MUC5B: variants seen among roughly 807,000 people sequenced by gnomAD.
MUC5B encodes the protein mucin-5B.
Under a neutral mutation model 376.9 loss-of-function variants are expected in MUC5B, and 116 were observed. The ratio of observed to expected loss-of-function variants is 0.31; its 90% CI spans 0.26 to 0.36. The LOEUF (loss-of-function observed/expected upper bound fraction) is 0.36. Ranked by LOEUF, MUC5B falls within the 10% of genes least tolerant of loss-of-function variation. The pLI, the probability that MUC5B is intolerant of heterozygous loss-of-function variation, is 1.00. For synonymous variants in MUC5B, 3,517 were observed against 3,390.9 expected (o/e 1.04, Z -1.29); for missense variants, 7,165 against 7,769.9 (o/e 0.92, Z 2.93).
Position 1,247,992 on chromosome 11 carries a change from G to A in MUC5B, c.11112G>A (p.Glu3704=), listed in dbSNP as rs759115025. Residue 3704 remains glutamate (E), a synonymous_variant, in exon 31 of 49, where the codon GAG becomes GAA. Coordinates refer to ENST00000529681, the MANE Select transcript of MUC5B (RefSeq NM_002458.3). ...TKLTTTATTT[E]STGSTATPSS... The stretch of plus-strand genomic sequence containing the variant: ...TGACCACAACAGCCACTACGACTGA[G>A]TCCACTGGATCCACGGCCACCCCGT... 2.6e-5 allele frequency: 41 copies of A among 1,601,204 alleles called. No individual in the cohort carries two copies. Among genetic ancestry groups the A allele is most frequent in the South Asian group, 1.4e-4 (13 of 90,546 alleles).
At position 1,247,261 on chromosome 11, in the gene MUC5B, C is replaced by G; in HGVS notation, c.10381C>G (p.Pro3461Ala). 1.9e-6 allele frequency: 3 copies of G among 1,612,210 alleles called. No individual in the cohort carries two copies. ...CACCACACACGGGCGGTCCCTGCCCCCCAGCAGTCCCCACACGGTGCGCAC... is the reference window on the plus strand; with the variant it reads ...CACCACACACGGGCGGTCCCTGCCCGCCAGCAGTCCCCACACGGTGCGCAC... ...TATTHGRSLP[P>A]SSPHTVRTAW... The change falls in exon 31 of 49, where the codon CCC becomes GCC. Residue 3461 changes from proline (P) to alanine (A), a missense_variant. This residue lies in a region of MUC5B where 939 missense variants were observed against 770.6 expected (regional missense o/e 1.22). Coordinates refer to ENST00000529681, the MANE Select transcript of MUC5B (RefSeq NM_002458.3).
chr11:1,256,303 A>G, intron 38 of MUC5B, 78 bp downstream of exon 38: 1 of 698,218 alleles, frequency 1.4e-6, no homozygotes, highest in Admixed American at 2.1e-5. Context: ...AGGAGGCCAG[A>G]GGGTGTCCCA....
chr11:1,257,790 G>T lies in MUC5B; in HGVS notation c.16450+80G>T. On this transcript the variant is annotated intron_variant, in intron 41 of 48. Coordinates refer to ENST00000529681, the MANE Select transcript of MUC5B (RefSeq NM_002458.3). The surrounding 1 kb of genome is among the most constrained non-coding windows in gnomAD (Gnocchi z 8.9). Reference sequence around the variant, plus strand: ...GTGCCCACCAGGGGCCTGTGGGTTGGGCACAGGAGAGCAGAGGAGAGCCAC... The same window carrying T: ...GTGCCCACCAGGGGCCTGTGGGTTGTGCACAGGAGAGCAGAGGAGAGCCAC... 6.9e-7 allele frequency: 1 copy of T among 1,455,950 alleles called. No homozygotes were observed. Among genetic ancestry groups the T allele is most frequent in the Non-Finnish European group, 9.1e-7 (1 of 1,094,786 alleles). The allele number at this position is 1,455,950 out of a possible 1,614,324, so 90.2% of individuals were successfully genotyped here. A position where few individuals can be genotyped will look rare whatever the true frequency, so the allele number is the denominator to read the frequency against.
In MUC5B at chr11:1,242,970, T is replaced by G; in HGVS notation, c.6090T>G (p.Thr2030=). 2.5e-6 allele frequency: 4 copies of G among 1,611,020 alleles called. No individual in the cohort carries two copies. Among genetic ancestry groups the G allele is most frequent in the Non-Finnish European group, 3.4e-6 (4 of 1,178,552 alleles). The change falls in exon 31 of 49, where the codon ACT becomes ACG. Residue 2030 remains threonine, a synonymous_variant. Coordinates refer to ENST00000529681, the MANE Select transcript of MUC5B (RefSeq NM_002458.3). The stretch of plus-strand genomic sequence containing the variant: ...TGCTTACCGCCACGGCCACCACAAC[T>G]GGGGCCACCGGCTCTGTGGCCACCC... ...STVLTATATT[T]GATGSVATPS...
Position 1,251,308 on chromosome 11 carries a change from T to G in MUC5B, c.14428T>G (p.Ser4810Ala). 6.2e-7 allele frequency: 1 copy of G among 1,610,452 alleles called. No individual in the cohort carries two copies. The highest frequency in any genetic ancestry group is 1.1e-5 in the South Asian group (1 of 90,960). Residue 4810 changes from serine (S) to alanine (A), a missense_variant, in exon 31 of 49, where the codon TCC becomes GCC. This residue lies in a region of MUC5B where 730 missense variants were observed against 592.7 expected (regional missense o/e 1.23). Coordinates refer to ENST00000529681, the MANE Select transcript of MUC5B (RefSeq NM_002458.3). ...TRATNSTATP[S>A]STLGTTRILT... Reference sequence around the variant, plus strand: ...GGCCACCAATTCCACGGCCACACCCTCCTCCACTCTGGGGACGACCCGGAT... The same window carrying G: ...GGCCACCAATTCCACGGCCACACCCGCCTCCACTCTGGGGACGACCCGGAT...
intron 7 of MUC5B, among the ~76,000 whole-genome samples, chr11:1,228,290 G>A (rs1293636982): frequency 6.6e-6 from 1 of 152,186 alleles, no homozygotes; most frequent in East Asian, 1.9e-4. Flanking sequence ...TCCCCTCCTT[G>A]GCTCCGCCTC....
intron 15 of MUC5B, 93 bp downstream of exon 15, chr11:1,232,253 T>G: frequency 6.9e-7 from 1 of 1,440,332 alleles, no homozygotes; most frequent in Non-Finnish European, 9.3e-7. Flanking sequence ...CTGGGTGGGA[T>G]TGGGGACCCC....
At position 1,231,223 on chromosome 11, in the gene MUC5B, C is replaced by T. The variant is rs539768435; in HGVS notation, c.1541-200C>T. Among the ~76,000 whole-genome samples the T allele has an allele frequency of 5.9e-5, 9 of 152,314 alleles. No homozygotes were observed. The South Asian group carries it at 1.2e-3, about 21-fold the overall frequency. ...CACATCCAGCTCGCTCAGCCCCACT[C>T]TCTCAGGGAGCCCGGTCTCCACCTG... is the stretch of plus-strand genomic sequence containing the variant. On this transcript the variant is annotated intron_variant, in intron 13 of 48. Coordinates refer to ENST00000529681, the MANE Select transcript of MUC5B (RefSeq NM_002458.3).
At position 1,233,100 on chromosome 11, in the gene MUC5B, C is replaced by T. The variant is rs1359465907; in HGVS notation, c.2153C>T (p.Ala718Val). 1 of 1,607,826 alleles carries T rather than the reference C, an allele frequency of 6.2e-7. No homozygotes were observed. ...CQPTCRGLSE[A>V]DVTCSVSFVP... The stretch of plus-strand genomic sequence containing the variant: ...CCCACTTGCCGCGGCCTGAGTGAGG[C>T]CGACGTCACCTGCAGCGTTTCCTTC... The change falls in exon 18 of 49, where the codon GCC becomes GTC. Residue 718 changes from alanine to valine, a missense_variant. Transcript: ENST00000529681.
At chr11:1,261,100 G>A (rs893999226) in intron 48 of MUC5B, among the ~76,000 whole-genome samples, 4 of 152,246 alleles carry the variant, frequency 2.6e-5, no homozygotes, top group Non-Finnish European at 4.4e-5. Flanking sequence ...AGCTAGAAGA[G>A]GCAGGAGGAA....
chr11:1,238,809 A>G (rs976527740), intron 25 of MUC5B, 62 bp from the exon 26 acceptor site: 1 of 1,519,264 alleles, frequency 6.6e-7, no homozygotes, highest in African/African-American at 1.4e-5. Flanking sequence ...GCCCTGGGCC[A>G]GCCACCCCCT....
In MUC5B at chr11:1,250,130, C is replaced by A. The variant is rs1213895759; in HGVS notation, c.13250C>A (p.Thr4417Asn). ...PTATPSSTPG[T>N]TWILTELTTT... Reference sequence around the variant, plus strand: ...GCCACCCCGTCCTCCACCCCAGGGACCACCTGGATCCTCACAGAGCTGACC... The same window carrying A: ...GCCACCCCGTCCTCCACCCCAGGGAACACCTGGATCCTCACAGAGCTGACC... The change falls in exon 31 of 49, where the codon ACC becomes AAC. Residue 4417 changes from threonine to asparagine, a missense_variant. Physicochemically the swap from Thr to Asn is moderately conservative, Grantham distance 65. Transcript: ENST00000529681. The A allele has an allele frequency of 1.2e-6, 2 of 1,609,740 alleles. No homozygotes were observed. Among genetic ancestry groups the A allele is most frequent in the African/African-American group, 1.3e-5 (1 of 74,706 alleles).
chr11:1,240,156 ACT>A lies in MUC5B; in HGVS notation c.3773-19_3773-18del, dbSNP rs1862245732. On this transcript the variant is annotated intron_variant, in intron 29 of 48. Transcript: ENST00000529681. ...GCCAGGGGCTCGGAGGCCCTGGGTG[ACT>A]CTGCCGGCTCCATCCCCAGCCTGCA... 3.8e-6 allele frequency: 6 copies of A among 1,581,076 alleles called. 1 individual carries two copies. The highest frequency in any genetic ancestry group is 3.4e-4 in the Middle Eastern group (2 of 5,906).
Position 1,234,477 on chromosome 11 carries a change from A to T in MUC5B, c.2479-52A>T. 1 of 1,549,214 alleles carries T rather than the reference A, an allele frequency of 6.5e-7. No individual in the cohort carries two copies. Among genetic ancestry groups the T allele is most frequent in the Non-Finnish European group, 8.7e-7 (1 of 1,146,186 alleles). On this transcript the variant is annotated intron_variant, in intron 20 of 48. Transcript: ENST00000529681. The surrounding 1 kb of genome is among the most constrained non-coding windows in gnomAD (Gnocchi z 6.3). ...GCGCCTGTCCCAGAGGGTGAGTGAC[A>T]TCTGCCCACCCTGGTGTCCAGCCCT... is the stretch of plus-strand genomic sequence containing the variant.
At chr11:1,236,660 G>A in intron 24 of MUC5B, 98 bp downstream of exon 24, 1 of 1,320,674 alleles carries the variant, frequency 7.6e-7, no homozygotes, top group South Asian at 1.4e-5. Flanking sequence ...CTGACCCGTG[G>A]GTGCGTGAGC....
Position 1,250,868 on chromosome 11 carries a change from C to T in MUC5B, c.13988C>T (p.Ser4663Phe), listed in dbSNP as rs376478587. The part of the protein sequence containing the change: ...TTTTTTVATG[S>F]MATPSSSTQT... ...ACCACCACAACTGTGGCCACTGGTTCTATGGCAACACCCTCCTCTAGCACA... is the reference window on the plus strand; with the variant it reads ...ACCACCACAACTGTGGCCACTGGTTTTATGGCAACACCCTCCTCTAGCACA... The change falls in exon 31 of 49, where the codon TCT becomes TTT. Residue 4663 changes from serine (S) to phenylalanine (F), a missense_variant. By Grantham distance (155) the Ser-to-Phe change is radical. This residue lies in a region of MUC5B where 730 missense variants were observed against 592.7 expected (regional missense o/e 1.23). Transcript: ENST00000529681. 9 of 1,600,710 alleles carry T rather than the reference C, an allele frequency of 5.6e-6. No homozygotes were observed. In the African/African-American group the frequency reaches 1.1e-4, roughly 19 times the overall value.
rs117452757 is a variant in MUC5B, at chr11:1,255,545, C to T, written c.16053C>T (p.Thr5351=). 17,444 of 1,479,462 alleles carry T rather than the reference C, an allele frequency of 0.012. 411 individuals are homozygous for T. Among genetic ancestry groups the T allele is most frequent in the Non-Finnish European group, 0.01 (11,044 of 1,085,494 alleles). 91.6% of individuals were successfully genotyped at this position (1,479,462 alleles called of 1,614,324 possible). Reference sequence around the variant, plus strand: ...TGTGCAGTGACTGGCGAGGTGCAACCGGTGGCCTGTGCGGTGAGTGGGGGC... The same window carrying T: ...TGTGCAGTGACTGGCGAGGTGCAACTGGTGGCCTGTGCGGTGAGTGGGGGC... ...RGVCSDWRGA[T]GGLCDLTCPP... The change falls in exon 37 of 49, where the codon ACC becomes ACT. Residue 5351 remains threonine, a synonymous_variant. Coordinates refer to ENST00000529681, the MANE Select transcript of MUC5B (RefSeq NM_002458.3).
chr11:1,233,679 C>T, intron 18 of MUC5B, 114 bp from the exon 19 acceptor site: 1 of 1,020,448 alleles, frequency 9.8e-7, no homozygotes, highest in East Asian at 2.6e-5. Context: ...TCTGGCCTTA[C>T]AAGGAGGTGG....
intron 1 of MUC5B, among the ~76,000 whole-genome samples, chr11:1,225,373 G>A (rs1861856299): frequency 1.3e-5 from 2 of 152,240 alleles, no homozygotes; most frequent in African/African-American, 4.8e-5. Context: ...TGTCAGTCGG[G>A]GACAGGGCAG....
Sources: allele counts gnomAD v4.1 joint callset (sites outside exome capture counted in the v4.1 genomes callset), GRCh38; gene constraint gnomAD v4.1.1; regional missense constraint gnomAD v4.1.1; non-coding constraint Gnocchi (gnomAD v3.1); transcripts MANE v1.5; gene names NCBI Gene and HGNC (gene_info 2026-07-23, HGNC 2026-07-21).